Variants in ANKRD6 observed in about 807,000 individuals in gnomAD.
ANKRD6 encodes ankyrin repeat domain 6, also known as ankyrin repeat domain-containing protein 6.
In ANKRD6, 56 loss-of-function variants were observed where a neutral mutation model predicts 82.3. That is an observed-to-expected ratio of 0.68 (90% CI 0.55 to 0.85). The LOEUF is 0.85. Ranked by LOEUF, ANKRD6 falls within the 40% of genes least tolerant of loss-of-function variation. ANKRD6 has a pLI of 0.00. For synonymous variants in ANKRD6, 347 were observed against 352.1 expected, an observed-to-expected ratio of 0.99 and a Z score of 0.16; for missense variants, 852 against 907.6, an observed-to-expected ratio of 0.94 and a Z score of 0.79.
At position 89,567,109 on chromosome 6, in the gene ANKRD6, A is replaced by G; in HGVS notation, c.120+13A>G. 1 of 1,576,104 alleles carries G rather than the reference A, an allele frequency of 6.3e-7. No individual in the cohort carries two copies. The highest frequency in any genetic ancestry group is 2.3e-5 in the East Asian group (1 of 43,054). The stretch of plus-strand genomic sequence containing the variant: ...AGCGGTTACCAAGGTAACAAGAGAA[A>G]AATACGCTGTAGCCATTCCCTGGGA... On this transcript the variant is annotated intron_variant, in intron 2 of 15. Transcript: ENST00000339746.
At chr6:89,493,613 G>A (rs867105542) in intron 1 of ANKRD6, among the ~76,000 whole-genome samples, 5 of 152,040 alleles carry the variant, frequency 3.3e-5, no homozygotes, top group South Asian at 2.1e-4. Context: ...GGGCCTCACT[G>A]TGTTGCCCAG....
At chr6:89,534,755 A>G (rs934255716) in intron 1 of ANKRD6, among the ~76,000 whole-genome samples, 52 of 152,322 alleles carry the variant, frequency 3.4e-4, no homozygotes, top group African/African-American at 1.3e-3. Context: ...GACAAGATGC[A>G]CAGAAGTAAA....
Position 89,504,941 on chromosome 6 carries a change from A to T in ANKRD6, c.-143-61893A>T, listed in dbSNP as rs1779676155. 2.0e-5 allele frequency: 3 copies of T among 152,220 alleles called. No individual in the cohort carries two copies. In the South Asian group the frequency reaches 6.2e-4, roughly 32 times the overall value. The allele number at this position is 152,220 out of a possible 1,614,324, so 9.4% of individuals were successfully genotyped here. On this transcript the variant is annotated intron_variant, in intron 1 of 15. Transcript: ENST00000339746. ...CAGCTTCTTTTTTTGGCCCCACCTT[A>T]TACCGTGTGAGCTTTAACTGTAAGT... is the stretch of plus-strand genomic sequence containing the variant.
chr6:89,588,563 C>T (rs7748154), intron 2 of ANKRD6, among the ~76,000 whole-genome samples: 6,855 of 152,288 alleles, frequency 0.045, 234 homozygotes, highest in South Asian at 0.13. Flanking sequence ...TTGTTACAGT[C>T]CCCAGTAGAG....
rs1014443275 is a variant in ANKRD6 at position 89,452,542 on chromosome 6, C to T, written c.-144+19167C>T. Among the ~76,000 whole-genome samples, 3 of 152,212 alleles carry T rather than the reference C, an allele frequency of 2.0e-5. No homozygotes were observed. The South Asian group carries it at 6.2e-4, about 31-fold the overall frequency. On this transcript the variant is annotated intron_variant, in intron 1 of 15. Coordinates refer to ENST00000339746, the MANE Select transcript of ANKRD6 (RefSeq NM_001242809.2). ...TTCATTAAGGCTGAATGTATTGTTG[C>T]ACTAGGATCAGGGAGGCAAACTGTT...
intron 1 of ANKRD6, among the ~76,000 whole-genome samples, chr6:89,479,087 G>A (rs935113170): frequency 6.6e-6 from 1 of 152,146 alleles, no homozygotes; most frequent in Non-Finnish European, 1.5e-5. Context: ...AGTCAAAGAA[G>A]TCAAGTTCTC....
At chr6:89,509,405 C>T (rs1185724165) in intron 1 of ANKRD6, among the ~76,000 whole-genome samples, 1 of 152,150 alleles carries the variant, frequency 6.6e-6, no homozygotes, top group Non-Finnish European at 1.5e-5. Flanking sequence ...CCTTGGAAAT[C>T]ATCTCATACA....
intron 1 of ANKRD6, among the ~76,000 whole-genome samples, chr6:89,536,806 GCCTTCTTTTA>G (rs1331745503): frequency 6.6e-6 from 1 of 152,208 alleles, no homozygotes; most frequent in East Asian, 1.9e-4. Flanking sequence ...CAAGACAGTT[GCCTTCTTTTA>G]CCTTCATGTA....
At chr6:89,568,981 A>G (rs1789174698) in intron 2 of ANKRD6, among the ~76,000 whole-genome samples, 2 of 150,302 alleles carry the variant, frequency 1.3e-5, no homozygotes, top group Non-Finnish European at 3.0e-5. Flanking sequence ...CCCAGGCAGG[A>G]GAGCTCACTG....
At chr6:89,559,122 G>A in intron 1 of ANKRD6, among the ~76,000 whole-genome samples, 1 of 152,210 alleles carries the variant, frequency 6.6e-6, no homozygotes, top group Non-Finnish European at 1.5e-5. Flanking sequence ...GTAAGATGCA[G>A]TTCAAGTAAT....
chr6:89,560,552 G>A (rs903145511), intron 1 of ANKRD6, among the ~76,000 whole-genome samples: 3 of 152,178 alleles, frequency 2.0e-5, no homozygotes, highest in Non-Finnish European at 4.4e-5. Flanking sequence ...GGCTGGGCAC[G>A]GTGGCTCACG....
chr6:89,551,861 C>G (rs541157927), intron 1 of ANKRD6, among the ~76,000 whole-genome samples: 1 of 152,298 alleles, frequency 6.6e-6, no homozygotes, highest in East Asian at 1.9e-4. Context: ...TTAAAACTCT[C>G]AGGAATAAAT....
chr6:89,597,181 G>A (rs1796098853), intron 3 of ANKRD6, among the ~76,000 whole-genome samples: 1 of 152,190 alleles, frequency 6.6e-6, no homozygotes. Flanking sequence ...GGTTATATCT[G>A]GAACTTGCTG....
chr6:89,536,803 G>C (rs1783895556), intron 1 of ANKRD6, among the ~76,000 whole-genome samples: 1 of 152,206 alleles, frequency 6.6e-6, no homozygotes, highest in South Asian at 2.1e-4. Flanking sequence ...GGGCAAGACA[G>C]TTGCCTTCTT....
intron 1 of ANKRD6, among the ~76,000 whole-genome samples, chr6:89,566,261 C>T (rs140499528): frequency 2.0e-5 from 3 of 152,372 alleles, no homozygotes; most frequent in East Asian, 3.9e-4. Flanking sequence ...CCCAGCTCTC[C>T]ATCTGTTCCA....
rs972708666 is a variant in ANKRD6 at position 89,472,210 on chromosome 6, G to A, written c.-144+38835G>A. On this transcript the variant is annotated intron_variant, in intron 1 of 15. Coordinates refer to ENST00000339746, the MANE Select transcript of ANKRD6 (RefSeq NM_001242809.2). ...AAGTCACATTGGATTAGGACTCACA[G>A]TAATGACCTCATCTTAATTTGATCA... Among the ~76,000 whole-genome samples the A allele has an allele frequency of 3.9e-5, 6 of 152,132 alleles. No individual in the cohort carries two copies. In the South Asian group the frequency reaches 1.0e-3, roughly 26 times the overall value.
chr6:89,450,829 A>G (rs1262893839), intron 1 of ANKRD6, among the ~76,000 whole-genome samples: 1 of 152,104 alleles, frequency 6.6e-6, no homozygotes, highest in Non-Finnish European at 1.5e-5. Flanking sequence ...TAAGGTATGT[A>G]CATTGTTTCT....
chr6:89,463,950 C>T (rs984973415), intron 1 of ANKRD6, among the ~76,000 whole-genome samples: 2 of 152,206 alleles, frequency 1.3e-5, no homozygotes, highest in African/African-American at 4.8e-5. Flanking sequence ...TAGTCTCCTT[C>T]CTTGTTAGAT....
intron 1 of ANKRD6, among the ~76,000 whole-genome samples, chr6:89,547,224 G>A (rs1785215174): frequency 6.6e-6 from 1 of 151,732 alleles, no homozygotes; most frequent in African/African-American, 2.4e-5. Context: ...ATGTGTTCTA[G>A]CAATGAGTTG....
Sources: gnomAD v4.1 joint callset for allele counts (sites outside exome capture counted in the v4.1 genomes callset) on GRCh38, gnomAD v4.1.1 for gene constraint, MANE v1.5 for transcripts, NCBI Gene and HGNC (gene_info 2026-07-23, HGNC 2026-07-21) for gene names.